Variants in HYCC2 observed in about 807,000 individuals in gnomAD.
HYCC2 encodes the protein hyccin PI4KA lipid kinase complex subunit 2, also known as hyccin 2.
chr2:201,020,853 C>A, the HYCC2 span, among the ~76,000 whole-genome samples: 1 of 152,146 alleles, frequency 6.6e-6, no homozygotes, highest in African/African-American at 2.4e-5. Flanking sequence ...CTGCAACCTC[C>A]GCCTCCCAAG....
chr2:200,986,785 A>G, the HYCC2 span, among the ~76,000 whole-genome samples: 1 of 152,218 alleles, frequency 6.6e-6, no homozygotes, highest in Non-Finnish European at 1.5e-5. Flanking sequence ...GTTAGGCCTA[A>G]GCAACTTAAT....
At chr2:201,005,677 T>C in the HYCC2 span, among the ~76,000 whole-genome samples, 2 of 152,250 alleles carry the variant, frequency 1.3e-5, no homozygotes, top group African/African-American at 2.4e-5. Context: ...AGTGAATTGA[T>C]AGGGAGGCAC....
the HYCC2 span, among the ~76,000 whole-genome samples, chr2:200,986,828 A>C: frequency 1.3e-5 from 2 of 152,224 alleles, no homozygotes; most frequent in Admixed American, 6.5e-5. Flanking sequence ...ATATCAGCAT[A>C]CTTTGTCAAA....
the HYCC2 span, among the ~76,000 whole-genome samples, chr2:201,030,483 T>G: frequency 6.6e-6 from 1 of 152,136 alleles, no homozygotes; most frequent in Non-Finnish European, 1.5e-5. Context: ...AAATATGTTA[T>G]TTAAATGTAG....
At chr2:201,012,950 AATAC>A in the HYCC2 span, among the ~76,000 whole-genome samples, 1 of 106,392 alleles carries the variant, frequency 9.4e-6, no homozygotes, top group Non-Finnish European at 1.9e-5. Context: ...CGTTTCAAAA[AATAC>A]ACACACACAC....
the HYCC2 span, chr2:201,067,086 C>A: frequency 1.4e-5 from 4 of 294,198 alleles, no homozygotes; most frequent in South Asian, 1.1e-4. Context: ...ATTGATGAGC[C>A]AAGATCAAGA....
At chr2:201,022,886 C>T in the HYCC2 span, 38 of 1,613,008 alleles carry the variant, frequency 2.4e-5, no homozygotes, top group South Asian at 1.3e-4. Flanking sequence ...TGTTTTTTTC[C>T]GGTGTAAAGT....
At chr2:200,993,800 T>C in the HYCC2 span, among the ~76,000 whole-genome samples, 1 of 150,990 alleles carries the variant, frequency 6.6e-6, no homozygotes, top group Non-Finnish European at 1.5e-5. Context: ...GCTAACACGG[T>C]GAAACCCCGT....
At chr2:201,035,435 C>T in the HYCC2 span, among the ~76,000 whole-genome samples, 10 of 152,168 alleles carry the variant, frequency 6.6e-5, no homozygotes, top group African/African-American at 9.7e-5. Flanking sequence ...GTTCTCGTGC[C>T]GTGGTTTTCA....
At chr2:201,062,608 G>A in the HYCC2 span, among the ~76,000 whole-genome samples, 4 of 149,932 alleles carry the variant, frequency 2.7e-5, no homozygotes, top group South Asian at 2.1e-4. Context: ...CTGAGATCGC[G>A]CCACTGCACT....
chr2:201,070,582 G>A, the HYCC2 span, among the ~76,000 whole-genome samples: 488 of 152,110 alleles, frequency 3.2e-3, 1 homozygote, highest in Non-Finnish European at 6.0e-3. Context: ...AACCCGGGAG[G>A]CGAAGGTTGC....
At chr2:201,034,777 C>T in the HYCC2 span, among the ~76,000 whole-genome samples, 1 of 152,210 alleles carries the variant, frequency 6.6e-6, no homozygotes, top group South Asian at 2.1e-4. Flanking sequence ...CTGCTTCCTT[C>T]AGGAGCTCTT....
At chr2:200,987,484 G>T in the HYCC2 span, 1 of 1,289,772 alleles carries the variant, frequency 7.8e-7, no homozygotes, top group South Asian at 1.2e-5. Context: ...GTGTTGGATC[G>T]GGGAGCCAGG....
the HYCC2 span, among the ~76,000 whole-genome samples, chr2:200,990,496 G>C: frequency 6.6e-6 from 1 of 152,034 alleles, no homozygotes; most frequent in Non-Finnish European, 1.5e-5. Flanking sequence ...CTGCCTCCCA[G>C]GTTCAAGCAA....
chr2:201,021,691 A>C, the HYCC2 span: 3 of 196,898 alleles, frequency 1.5e-5, no homozygotes, highest in South Asian at 2.6e-4. Context: ...TTACAATCTA[A>C]AGAGAAAGCA....
chr2:201,029,479 C>T, the HYCC2 span, among the ~76,000 whole-genome samples: 8 of 152,160 alleles, frequency 5.3e-5, no homozygotes, highest in Admixed American at 4.6e-4. Flanking sequence ...CACATGCACA[C>T]GTATGTTTAT....
At chr2:201,063,469 G>A in the HYCC2 span, 5 of 1,591,428 alleles carry the variant, frequency 3.1e-6, no homozygotes, top group Non-Finnish European at 4.3e-6. Context: ...ATTTTGAACA[G>A]TATGGAAAAA....
chr2:201,069,543 AACAC>A, the HYCC2 span, among the ~76,000 whole-genome samples: 10,226 of 143,590 alleles, frequency 0.071, 521 homozygotes, highest in East Asian at 0.28. Flanking sequence ...CATAAGAAGA[AACAC>A]ACACACACAC....
chr2:200,975,240 A>T, the HYCC2 span: 2 of 152,136 alleles, frequency 1.3e-5, no homozygotes, highest in Non-Finnish European at 2.9e-5. Flanking sequence ...GATACTTTAT[A>T]TGTTAAAGAG....
Sources: gnomAD v4.1 joint callset for allele counts (sites outside exome capture counted in the v4.1 genomes callset) on GRCh38, gnomAD v4.1.1 for gene constraint, MANE v1.5 for transcripts, NCBI Gene and HGNC (gene_info 2026-07-23, HGNC 2026-07-21) for gene names.